Variants in RAB11FIP4 observed in about 807,000 individuals in gnomAD.
The protein encoded by RAB11FIP4 is RAB11 family interacting protein 4.
Under a neutral mutation model 74.3 loss-of-function variants are expected in RAB11FIP4, and 23 were observed. That is an observed-to-expected ratio of 0.31 (90% CI 0.22 to 0.44). The LOEUF (loss-of-function observed/expected upper bound fraction) is 0.44. Among genes scored for constraint, RAB11FIP4 ranks in the 20% least tolerant of loss-of-function variants. The pLI, the probability that RAB11FIP4 is intolerant of heterozygous loss-of-function variation, is 1.00. For missense variants in RAB11FIP4, 630 were observed against 863.9 expected (o/e 0.73, Z 3.39); for synonymous variants, 360 against 359.9 (o/e 1.00, Z 0.00).
At chr17:31,433,471 C>G (rs2071328436) in intron 2 of RAB11FIP4, among the ~76,000 whole-genome samples, 1 of 152,258 alleles carries the variant, frequency 6.6e-6, no homozygotes, top group Non-Finnish European at 1.5e-5. Flanking sequence ...CAGGCTGCAC[C>G]TGCCATGTGC....
intron 3 of RAB11FIP4, among the ~76,000 whole-genome samples, chr17:31,495,996 C>T (rs1209701878): frequency 2.0e-5 from 3 of 152,130 alleles, no homozygotes; most frequent in African/African-American, 7.2e-5. Context: ...ATGTGTCGCA[C>T]ATTTGCGGAT....
intron 3 of RAB11FIP4, among the ~76,000 whole-genome samples, chr17:31,454,516 T>C (rs1360207025): frequency 1.3e-5 from 2 of 151,856 alleles, no homozygotes; most frequent in Non-Finnish European, 2.9e-5. Context: ...TCAAGCAATC[T>C]GCCCACCTTA....
chr17:31,436,783 T>TTTTTTTG (rs1567655173), intron 3 of RAB11FIP4, among the ~76,000 whole-genome samples: 1 of 32,368 alleles, frequency 3.1e-5, no homozygotes, highest in East Asian at 1.2e-3. Context: ...TGTTTTTTGT[T>TTTTTTTG]TTTTTTGTTT....
chr17:31,449,563 CAG>C (rs1029822104), intron 3 of RAB11FIP4, among the ~76,000 whole-genome samples: 5 of 152,154 alleles, frequency 3.3e-5, no homozygotes, highest in African/African-American at 1.2e-4. Context: ...CTTTTTGAGA[CAG>C]GGGTCTCACT....
At position 31,491,937 on chromosome 17, in the gene RAB11FIP4, A is replaced by G. The variant is rs1199435080; in HGVS notation, c.337-25714A>G. 2.0e-5 allele frequency among the ~76,000 whole-genome samples: 3 copies of G among 152,116 alleles called. No individual in the cohort carries two copies. In the East Asian group the frequency reaches 5.8e-4, roughly 29 times the overall value. ...AGCCTGTCCATGTGAACGTGGAAAC[A>G]TTTCCTGCCAGACTATGCTGTTGCC... On this transcript the variant is annotated intron_variant, in intron 3 of 14. Transcript: ENST00000621161.
rs2072988260 is a variant in RAB11FIP4 at position 31,537,616 on chromosome 17, C to G, written c.*5884C>G. ...TCTCTGCCCCCAGAGGAAGCCCTGTCCATGGTTCCTGGTGCACGGCCACAG... is the reference window on the plus strand; with the variant it reads ...TCTCTGCCCCCAGAGGAAGCCCTGTGCATGGTTCCTGGTGCACGGCCACAG... On this transcript the variant is annotated 3_prime_UTR_variant, in exon 15 of 15. Transcript: ENST00000621161. 1 of 160,624 alleles carries G rather than the reference C, an allele frequency of 6.2e-6. No individual in the cohort carries two copies. Among genetic ancestry groups the G allele is most frequent in the East Asian group, 1.8e-4 (1 of 5,712 alleles). The allele number at this position is 160,624 out of a possible 1,614,324, so 9.9% of individuals were successfully genotyped here.
rs868803770 is a variant in RAB11FIP4 at position 31,505,535 on chromosome 17, T to A, written c.337-12116T>A. ...ATAATAATTATATATTATATATAAT[T>A]ATTATATATTATATATAATAATAAT... On this transcript the variant is annotated intron_variant, in intron 3 of 14. Transcript: ENST00000621161. Among the ~76,000 whole-genome samples, 151 of 88,152 alleles carry A rather than the reference T, an allele frequency of 1.7e-3. 2 individuals carry two copies. The highest frequency in any genetic ancestry group is 6.1e-3 in the African/African-American group (129 of 21,030). 57.8% of individuals were successfully genotyped at this position (88,152 alleles called of 152,430 possible). A position where few individuals can be genotyped will look rare whatever the true frequency, so the allele number is the denominator to read the frequency against.
intron 1 of RAB11FIP4, among the ~76,000 whole-genome samples, chr17:31,404,733 G>A (rs781037433): frequency 2.0e-5 from 3 of 152,104 alleles, no homozygotes; most frequent in African/African-American, 2.4e-5. Context: ...CGGTGGGGGC[G>A]GGGGACTGAC....
rs532585959 is a variant in RAB11FIP4, at chr17:31,463,390, G to A, written c.336+29268G>A. On this transcript the variant is annotated intron_variant, in intron 3 of 14. Transcript: ENST00000621161. Reference sequence around the variant, plus strand: ...AGACGATGAGTCCCGCAGTGCCCTGGCGTGTGGTGGGCACTAGATCAGAGT... The same window carrying A: ...AGACGATGAGTCCCGCAGTGCCCTGACGTGTGGTGGGCACTAGATCAGAGT... Among the ~76,000 whole-genome samples, 17 of 152,276 alleles carry A rather than the reference G, an allele frequency of 1.1e-4. No homozygotes were observed. In the South Asian group the frequency reaches 1.9e-3, roughly 17 times the overall value.
rs182657215 is a variant in RAB11FIP4 at position 31,532,200 on chromosome 17, G to A, written c.*468G>A. 1 of 157,192 alleles carries A rather than the reference G, an allele frequency of 6.4e-6. No homozygotes were observed. The highest frequency in any genetic ancestry group is 2.4e-5 in the African/African-American group (1 of 41,494). 9.7% of individuals were successfully genotyped at this position (157,192 alleles called of 1,614,324 possible). A position where few individuals can be genotyped will look rare whatever the true frequency, so the allele number is the denominator to read the frequency against. ...CTAGGAGTTTGAATGCCCCATATTT[G>A]TGTCCTCGCCAGCTCTTTGGCCACC... On this transcript the variant is annotated 3_prime_UTR_variant, in exon 15 of 15. Transcript: ENST00000621161.
At chr17:31,439,715 A>G (rs999764354) in intron 3 of RAB11FIP4, among the ~76,000 whole-genome samples, 1 of 152,114 alleles carries the variant, frequency 6.6e-6, no homozygotes, top group Non-Finnish European at 1.5e-5. Flanking sequence ...GGCTCAAGCG[A>G]TCCACCTGCC....
intron 1 of RAB11FIP4, among the ~76,000 whole-genome samples, chr17:31,395,500 C>G (rs1176331570): frequency 6.6e-6 from 1 of 152,158 alleles, no homozygotes; most frequent in Non-Finnish European, 1.5e-5. Flanking sequence ...ATGGCATACA[C>G]CCTTGGTGTG....
At chr17:31,465,145 A>G (rs765622056) in intron 3 of RAB11FIP4, among the ~76,000 whole-genome samples, 54 of 152,104 alleles carry the variant, frequency 3.6e-4, no homozygotes, top group Non-Finnish European at 6.6e-4. Context: ...AACAGGTTGC[A>G]CAGAGCCTGG....
intron 3 of RAB11FIP4, among the ~76,000 whole-genome samples, chr17:31,472,438 C>T (rs999032658): frequency 1.9e-4 from 29 of 152,192 alleles, no homozygotes; most frequent in African/African-American, 5.8e-4. Context: ...TTCAGAGACA[C>T]GGCCACAGGC....
chr17:31,415,455 T>G (rs2071138200), intron 1 of RAB11FIP4, among the ~76,000 whole-genome samples: 2 of 152,328 alleles, frequency 1.3e-5, no homozygotes, highest in South Asian at 4.1e-4. Flanking sequence ...TGTTCCGTGG[T>G]GAAGCTCCAG....
chr17:31,405,854 C>T (rs1422627198), intron 1 of RAB11FIP4, among the ~76,000 whole-genome samples: 1 of 152,158 alleles, frequency 6.6e-6, no homozygotes, highest in African/African-American at 2.4e-5. Flanking sequence ...TGTGAGCTAT[C>T]GTGACCCTTT....
rs953442536 is a variant in RAB11FIP4, at chr17:31,525,325, T to C, written c.1274+95T>C. On this transcript the variant is annotated intron_variant, in intron 10 of 14. Coordinates refer to ENST00000621161, the MANE Select transcript of RAB11FIP4 (RefSeq NM_032932.6). The stretch of plus-strand genomic sequence containing the variant: ...GCTATCCCCATTTTATAGATGGGAA[T>C]GTGAGGCTGAGGGGCAGCCTCTTGA... 1.8e-5 allele frequency: 24 copies of C among 1,307,702 alleles called. No individual in the cohort carries two copies. In the African/African-American group the frequency reaches 3.1e-4, roughly 17 times the overall value. The allele number at this position is 1,307,702 out of a possible 1,614,324, so 81.0% of individuals were successfully genotyped here. A position where few individuals can be genotyped will look rare whatever the true frequency, so the allele number is the denominator to read the frequency against.
intron 5 of RAB11FIP4, 117 bp from the exon 6 acceptor site, chr17:31,521,798 C>A: frequency 8.5e-7 from 1 of 1,173,268 alleles, no homozygotes. Flanking sequence ...CCCTGCCCCT[C>A]CCCCGTAACA....
intron 1 of RAB11FIP4, among the ~76,000 whole-genome samples, chr17:31,420,498 G>A (rs930256946): frequency 6.6e-6 from 1 of 152,030 alleles, no homozygotes; most frequent in Non-Finnish European, 1.5e-5. Flanking sequence ...CTCCCAAAGT[G>A]CTGGGATGAC....
Sources: gnomAD v4.1 joint callset for allele counts (sites outside exome capture counted in the v4.1 genomes callset) on GRCh38, gnomAD v4.1.1 for gene constraint, MANE v1.5 for transcripts, NCBI Gene and HGNC (gene_info 2026-07-23, HGNC 2026-07-21) for gene names.